Variants in LYPD6 observed in about 807,000 individuals in gnomAD.
LYPD6 encodes ly6/PLAUR domain-containing protein 6.
A neutral mutation model predicts 22.7 loss-of-function variants in LYPD6; 15 were observed. The ratio of observed to expected loss-of-function variants is 0.66; its 90% CI spans 0.44 to 1.02. LYPD6 has a LOEUF of 1.02. Among genes scored for constraint, LYPD6 ranks in the 50% least tolerant of loss-of-function variants. LYPD6 has a pLI of 0.00. For synonymous variants in LYPD6, 72 were observed against 77.5 expected (o/e 0.93, Z 0.37); for missense variants, 189 against 208.4 (o/e 0.91, Z 0.57).
intron 1 of LYPD6, among the ~76,000 whole-genome samples, chr2:149,382,196 A>G (rs1573757518): frequency 6.6e-6 from 1 of 152,194 alleles, no homozygotes; most frequent in Non-Finnish European, 1.5e-5. Flanking sequence ...ATTTTTAGAA[A>G]TATATTAATT....
At chr2:149,390,943 A>G (rs1248343705) in intron 1 of LYPD6, among the ~76,000 whole-genome samples, 1 of 152,222 alleles carries the variant, frequency 6.6e-6, no homozygotes, top group African/African-American at 2.4e-5. Flanking sequence ...TTCAACCTGT[A>G]TGGTGAGCAT....
intron 1 of LYPD6, among the ~76,000 whole-genome samples, chr2:149,417,968 A>G (rs962237763): frequency 3.3e-5 from 5 of 152,238 alleles, no homozygotes; most frequent in East Asian, 3.8e-4. Context: ...CATTTTTGCC[A>G]TGAGCATTGA....
chr2:149,448,257 C>T (rs1683730196), intron 2 of LYPD6, among the ~76,000 whole-genome samples: 1 of 152,128 alleles, frequency 6.6e-6, no homozygotes, highest in Admixed American at 6.5e-5. Context: ...TGTGCCACTG[C>T]ACTCCAGTCT....
intron 1 of LYPD6, among the ~76,000 whole-genome samples, chr2:149,341,280 A>T (rs368315704): frequency 1.3e-5 from 2 of 152,106 alleles, no homozygotes; most frequent in East Asian, 3.9e-4. Flanking sequence ...CCATTATTCC[A>T]CAATTTACAA....
At chr2:149,405,271 C>G (rs1408626587) in intron 1 of LYPD6, among the ~76,000 whole-genome samples, 1 of 152,046 alleles carries the variant, frequency 6.6e-6, no homozygotes, top group African/African-American at 2.4e-5. Context: ...GGAGGATTCC[C>G]TCTTTTTCTA....
intron 1 of LYPD6, among the ~76,000 whole-genome samples, chr2:149,367,043 C>CT (rs1681686539): frequency 1.3e-5 from 2 of 149,406 alleles, no homozygotes; most frequent in Admixed American, 1.3e-4. Context: ...TTTTTTTTTT[C>CT]TTTTTTACAG....
At chr2:149,352,053 A>AT (rs1216024872) in intron 1 of LYPD6, among the ~76,000 whole-genome samples, 1 of 152,140 alleles carries the variant, frequency 6.6e-6, no homozygotes, top group Non-Finnish European at 1.5e-5. Context: ...TTCTGTGGAC[A>AT]TTCTGCCACT....
chr2:149,448,225 G>A (rs1200749283), intron 2 of LYPD6, among the ~76,000 whole-genome samples: 1 of 152,080 alleles, frequency 6.6e-6, no homozygotes, highest in East Asian at 1.9e-4. Context: ...CCCAGGAGAT[G>A]GAGGTTGCCA....
chr2:149,411,858 GC>G (rs1207194298), intron 1 of LYPD6, among the ~76,000 whole-genome samples: 2 of 152,074 alleles, frequency 1.3e-5, no homozygotes, highest in Non-Finnish European at 2.9e-5. Context: ...TAGACATAGA[GC>G]CCACATATAT....
Position 149,449,046 on chromosome 2 carries a change from T to A in LYPD6, c.119-3T>A, listed in dbSNP as rs1316021978. 6.2e-7 allele frequency: 1 copy of A among 1,607,550 alleles called. No individual in the cohort carries two copies. The highest frequency in any genetic ancestry group is 8.5e-7 in the Non-Finnish European group (1 of 1,175,714). On this transcript the variant is annotated splice_region_variant and splice_polypyrimidine_tract_variant and intron_variant, in intron 2 of 4. Coordinates refer to ENST00000334166, the MANE Select transcript of LYPD6 (RefSeq NM_194317.5). The stretch of plus-strand genomic sequence containing the variant: ...AATCTTTTCTCTTAATCCTTTTTTT[T>A]AGCCACACCATATCCTGGTGGATTT...
intron 1 of LYPD6, among the ~76,000 whole-genome samples, chr2:149,353,374 A>T (rs1439592213): frequency 6.6e-6 from 1 of 152,210 alleles, no homozygotes; most frequent in African/African-American, 2.4e-5. Flanking sequence ...AGTGTTAAGG[A>T]TAGGATGATG....
rs555741883 is a variant in LYPD6 at position 149,462,534 on chromosome 2, A to T, written c.218-6111A>T. On this transcript the variant is annotated intron_variant, in intron 3 of 4. Coordinates refer to ENST00000334166, the MANE Select transcript of LYPD6 (RefSeq NM_194317.5). ...CAATTCCTGTCAAAATCCCAGGAAG[A>T]TTTTTTTTTTTTTAGATATAGACAA... 7.6e-3 allele frequency among the ~76,000 whole-genome samples: 1,112 copies of T among 146,350 alleles called. 6 individuals carry two copies. The highest frequency in any genetic ancestry group is 0.012 in the South Asian group (58 of 4,644).
chr2:149,383,666 T>C (rs1682118522), intron 1 of LYPD6, among the ~76,000 whole-genome samples: 1 of 152,158 alleles, frequency 6.6e-6, no homozygotes, highest in African/African-American at 2.4e-5. Context: ...AAGAACCAGT[T>C]TGGTAAATTC....
intron 3 of LYPD6, among the ~76,000 whole-genome samples, chr2:149,466,606 A>G (rs1036408585): frequency 3.3e-5 from 5 of 152,220 alleles, no homozygotes; most frequent in African/African-American, 1.2e-4. Context: ...TACGCTCTCC[A>G]TTATGTATAA....
At chr2:149,346,820 C>T (rs1681265051) in intron 1 of LYPD6, among the ~76,000 whole-genome samples, 1 of 152,198 alleles carries the variant, frequency 6.6e-6, no homozygotes, top group African/African-American at 2.4e-5. Flanking sequence ...CCTGCCTCAG[C>T]CTCCCAAGTA....
In LYPD6 at chr2:149,417,297, C is replaced by G. The variant is rs899235849; in HGVS notation, c.-71-20341C>G. 1.2e-4 allele frequency among the ~76,000 whole-genome samples: 19 copies of G among 152,204 alleles called. 1 individual carries two copies. On this transcript the variant is annotated intron_variant, in intron 1 of 4. Transcript: ENST00000334166. ...GGGCTCGCCATAAGCTCTATACTGC[C>G]TTGTATATACTGATAAAGCATTTAG...
intron 1 of LYPD6, among the ~76,000 whole-genome samples, chr2:149,365,147 C>T (rs115466707): frequency 2.0e-5 from 3 of 152,298 alleles, no homozygotes; most frequent in African/African-American, 7.2e-5. Flanking sequence ...CACTTCTAGG[C>T]TTATTAATAT....
rs1331642943 is a variant in LYPD6, at chr2:149,473,129, C to G, written c.*2279C>G. Reference sequence around the variant, plus strand: ...AGTACCATTTTTGTGCATGATTACACTCCACTGACATCTTCCAAGTACTGC... The same window carrying G: ...AGTACCATTTTTGTGCATGATTACAGTCCACTGACATCTTCCAAGTACTGC... On this transcript the variant is annotated 3_prime_UTR_variant, in exon 5 of 5. Transcript: ENST00000334166. The G allele has an allele frequency of 6.6e-6, 1 of 152,542 alleles. No individual in the cohort carries two copies. Among genetic ancestry groups the G allele is most frequent in the Admixed American group, 6.5e-5 (1 of 15,280 alleles). 9.4% of individuals were successfully genotyped at this position (152,542 alleles called of 1,614,324 possible).
At chr2:149,470,599 T>C (rs2105184609) in intron 4 of LYPD6, 84 bp from the exon 5 acceptor site, 1 of 1,187,982 alleles carries the variant, frequency 8.4e-7, no homozygotes, top group Non-Finnish European at 1.2e-6. Context: ...CATCTTGCCA[T>C]GTGGGCGACA....
Sources: allele counts gnomAD v4.1 joint callset (sites outside exome capture counted in the v4.1 genomes callset), GRCh38; gene constraint gnomAD v4.1.1; transcripts MANE v1.5; gene names NCBI Gene and HGNC (gene_info 2026-07-23, HGNC 2026-07-21).